BCL11B: variants seen among roughly 807,000 people sequenced by gnomAD.
The protein encoded by BCL11B is BCL11 transcription factor B.
A neutral mutation model predicts 49.9 loss-of-function variants in BCL11B; 8 were observed. That is an observed-to-expected ratio of 0.16 (90% CI 0.09 to 0.29). BCL11B has a LOEUF of 0.29. BCL11B is among the 10% of genes least tolerant of loss of function. BCL11B has a pLI of 1.00. For synonymous variants in BCL11B, 739 were observed against 637.4 expected, an observed-to-expected ratio of 1.16 and a Z score of -2.40; for missense variants, 1,006 against 1,351.0, an observed-to-expected ratio of 0.74 and a Z score of 4.00.
intron 3 of BCL11B, among the ~76,000 whole-genome samples, chr14:99,181,160 C>T (rs2139773643): frequency 6.6e-6 from 1 of 152,310 alleles, no homozygotes; most frequent in Admixed American, 6.5e-5. Context: ...GATTTAGTGG[C>T]CCACTGCTGT....
At chr14:99,223,729 T>C (rs1888079381) in intron 3 of BCL11B, among the ~76,000 whole-genome samples, 1 of 152,120 alleles carries the variant, frequency 6.6e-6, no homozygotes, top group African/African-American at 2.4e-5. Context: ...ATCACGTGGA[T>C]TCCAATGCAG....
intron 1 of BCL11B, among the ~76,000 whole-genome samples, chr14:99,259,899 G>A (rs1198437793): frequency 1.3e-5 from 2 of 152,198 alleles, no homozygotes; most frequent in Admixed American, 6.5e-5. Context: ...CGGTTTGTCA[G>A]AATGTAAAAG....
In BCL11B at chr14:99,242,166, C is replaced by G. The variant is rs1479026753; in HGVS notation, c.428-10609G>C. ...AACAAGAATCCTCTACCCCAAAATA[C>G]ATGCATGTGTCAAAAGAAGGCAGCA... On this transcript the variant is annotated intron_variant, in intron 2 of 3. Transcript: ENST00000357195. The surrounding 1 kb of genome is among the most constrained non-coding windows in gnomAD (Gnocchi z 4.4). Among the ~76,000 whole-genome samples, 1 of 152,214 alleles carries G rather than the reference C, an allele frequency of 6.6e-6. No homozygotes were observed. The highest frequency in any genetic ancestry group is 1.9e-4 in the East Asian group (1 of 5,200).
At chr14:99,225,797 G>A (rs1050694323) in intron 3 of BCL11B, among the ~76,000 whole-genome samples, 9 of 152,190 alleles carry the variant, frequency 5.9e-5, no homozygotes, top group Admixed American at 3.3e-4. Context: ...CTCAGAGAGT[G>A]AAATGGAATC....
At chr14:99,235,128 CA>C (rs891398821) in intron 2 of BCL11B, among the ~76,000 whole-genome samples, 7 of 152,206 alleles carry the variant, frequency 4.6e-5, no homozygotes, top group Admixed American at 2.6e-4. Context: ...ATCCGGGTTT[CA>C]GGGGGAATTC....
At chr14:99,265,023 C>T (rs529191615) in intron 1 of BCL11B, among the ~76,000 whole-genome samples, 34 of 152,222 alleles carry the variant, frequency 2.2e-4, no homozygotes, top group African/African-American at 7.9e-4. Flanking sequence ...AGGGACAGGA[C>T]AGAGCACACA....
intron 1 of BCL11B, among the ~76,000 whole-genome samples, chr14:99,259,476 T>C (rs1411451523): frequency 6.6e-6 from 1 of 152,208 alleles, no homozygotes; most frequent in Admixed American, 6.5e-5. Context: ...ACGTATGAAC[T>C]ATGTGTGAAT....
In BCL11B at chr14:99,174,663, G is replaced by T. The variant is rs576785327; in HGVS notation, c.2173C>A (p.Pro725Thr). 6.3e-7 allele frequency: 1 copy of T among 1,579,898 alleles called. No homozygotes were observed. Among genetic ancestry groups the T allele is most frequent in the East Asian group, 2.4e-5 (1 of 41,560 alleles). The change falls in exon 4 of 4, where the codon CCC becomes ACC. Residue 725 changes from proline (P) to threonine (T), a missense_variant. By Grantham distance (38) the Pro-to-Thr change is conservative. This residue lies in a region of BCL11B where 443 missense variants were observed against 499.7 expected (regional missense o/e 0.89). Transcript: ENST00000357195. ...YAASRHFMKDPFLGFTDARQS... is the reference protein window; with the variant it reads ...YAASRHFMKDTFLGFTDARQS... The stretch of plus-strand genomic sequence containing the variant: ...CGTGCGTCCGTGAAGCCCAGGAAGG[G>T]GTCCTTCATGAAGTGCCGCGACGCC...
chr14:99,174,838 G>C lies in BCL11B; in HGVS notation c.1998C>G (p.Pro666=), dbSNP rs775842333. The change falls in exon 4 of 4, where the codon CCC becomes CCG. Residue 666 remains proline, a synonymous_variant. Transcript: ENST00000357195. ...GCGCGGGCTTGCGCGGGAAGAGCCC[G>C]GGGAAGGGCTCGGTGCCTGGCGCGA... ...GGFAPGTEPF[P]GLFPRKPAPL... 6.8e-6 allele frequency: 9 copies of C among 1,323,528 alleles called. No individual in the cohort carries two copies. The African/African-American group carries it at 1.4e-4, about 20-fold the overall frequency. 82.0% of individuals were successfully genotyped at this position (1,323,528 alleles called of 1,614,324 possible).
chr14:99,209,008 T>C (rs975771335), intron 3 of BCL11B, among the ~76,000 whole-genome samples: 1 of 151,890 alleles, frequency 6.6e-6, no homozygotes, highest in African/African-American at 2.4e-5. Context: ...CAGAGCACAG[T>C]GACAGCAGAA....
chr14:99,270,872 A>G (rs1031821163), intron 1 of BCL11B, among the ~76,000 whole-genome samples: 2 of 144,144 alleles, frequency 1.4e-5, no homozygotes, highest in African/African-American at 5.2e-5. Flanking sequence ...GCGCGCACAC[A>G]CACACACTCC....
At chr14:99,233,360 G>A (rs920709619) in intron 2 of BCL11B, among the ~76,000 whole-genome samples, 10 of 152,306 alleles carry the variant, frequency 6.6e-5, no homozygotes, top group African/African-American at 2.4e-4. Context: ...TTGTGTCCCC[G>A]AAGCCCGCAA....
intron 1 of BCL11B, chr14:99,263,050 G>A (rs12431782): frequency 0.069 from 10,507 of 152,324 alleles, 513 homozygotes; most frequent in Non-Finnish European, 0.1. Flanking sequence ...ATGTCCACAG[G>A]GGGTCTCGAA....
At chr14:99,178,850 T>A (rs1317969496) in intron 3 of BCL11B, among the ~76,000 whole-genome samples, 3 of 152,166 alleles carry the variant, frequency 2.0e-5, no homozygotes, top group Non-Finnish European at 4.4e-5. Context: ...CAGCTTTCCG[T>A]CGCTTTAGTT....
intron 2 of BCL11B, among the ~76,000 whole-genome samples, chr14:99,234,203 G>T (rs533403072): frequency 6.6e-6 from 1 of 152,176 alleles, no homozygotes; most frequent in Admixed American, 6.5e-5. Flanking sequence ...TTTCTTCGGG[G>T]GGTGATGAAA....
At chr14:99,193,312 TA>T (rs1367962890) in intron 3 of BCL11B, among the ~76,000 whole-genome samples, 1 of 152,054 alleles carries the variant, frequency 6.6e-6, no homozygotes, top group Non-Finnish European at 1.5e-5. Flanking sequence ...CATGTGATTA[TA>T]AAAAAAATTA....
At chr14:99,201,943 C>T (rs188671341) in intron 3 of BCL11B, among the ~76,000 whole-genome samples, 1 of 152,298 alleles carries the variant, frequency 6.6e-6, no homozygotes, top group Non-Finnish European at 1.5e-5. Flanking sequence ...CTTGAGCCCA[C>T]AACAGGCAGG....
chr14:99,212,766 G>C (rs558667156), intron 3 of BCL11B, among the ~76,000 whole-genome samples: 1 of 152,294 alleles, frequency 6.6e-6, no homozygotes, highest in African/African-American at 2.4e-5. Context: ...CCCAGGCCCT[G>C]ACAGGGCCCA....
intron 3 of BCL11B, among the ~76,000 whole-genome samples, chr14:99,212,836 AC>A (rs1336040439): frequency 6.6e-6 from 1 of 151,746 alleles, no homozygotes; most frequent in Non-Finnish European, 1.5e-5. Flanking sequence ...ATGCTCTCCA[AC>A]CTCCCCCACC....
Sources: allele counts gnomAD v4.1 joint callset (sites outside exome capture counted in the v4.1 genomes callset), GRCh38; gene constraint gnomAD v4.1.1; regional missense constraint gnomAD v4.1.1; non-coding constraint Gnocchi (gnomAD v3.1); transcripts MANE v1.5; gene names NCBI Gene and HGNC (gene_info 2026-07-23, HGNC 2026-07-21).